Variants in TWSG1 observed in about 807,000 individuals in gnomAD.
The protein encoded by TWSG1 is twisted gastrulation BMP signaling modulator 1, also known as twisted gastrulation protein homolog 1.
TWSG1 carries 15 observed loss-of-function variants against 23.0 expected under a neutral mutation model. That is an observed-to-expected ratio of 0.65 (90% confidence interval 0.44 to 1.00). TWSG1 has a LOEUF of 1.00. Among genes scored for constraint, TWSG1 ranks in the 50% least tolerant of loss-of-function variants. TWSG1 has a pLI of 0.00. For missense variants in TWSG1, 242 were observed against 278.7 expected, an observed-to-expected ratio of 0.87 and a Z score of 0.94; for synonymous variants, 86 against 92.8, an observed-to-expected ratio of 0.93 and a Z score of 0.42.
At chr18:9,348,430 C>T (rs1238361655) in intron 2 of TWSG1, among the ~76,000 whole-genome samples, 1 of 152,134 alleles carries the variant, frequency 6.6e-6, no homozygotes, top group Non-Finnish European at 1.5e-5. Context: ...GGGTATCCCC[C>T]GGATTATATT....
At chr18:9,393,979 T>C (rs916735591) in intron 3 of TWSG1, among the ~76,000 whole-genome samples, 2 of 152,208 alleles carry the variant, frequency 1.3e-5, no homozygotes, top group African/African-American at 4.8e-5. Flanking sequence ...ATACAGCCAC[T>C]ATGGAAAACA....
At chr18:9,365,063 G>A (rs973534529) in intron 3 of TWSG1, among the ~76,000 whole-genome samples, 6 of 152,114 alleles carry the variant, frequency 3.9e-5, no homozygotes, top group East Asian at 3.9e-4. Context: ...GCTCATTCCT[G>A]TAATTCCAGC....
At chr18:9,396,606 C>T in intron 4 of TWSG1, 60 bp downstream of exon 4, 1 of 1,554,738 alleles carries the variant, frequency 6.4e-7, no homozygotes, top group African/African-American at 1.4e-5. Flanking sequence ...TCCATGTAAT[C>T]TATAAAACCT....
chr18:9,341,530 A>G (rs2040446262), intron 2 of TWSG1, among the ~76,000 whole-genome samples: 1 of 152,134 alleles, frequency 6.6e-6, no homozygotes, highest in Non-Finnish European at 1.5e-5. Context: ...ATATGCTTGT[A>G]CTACTATTTC....
intron 3 of TWSG1, among the ~76,000 whole-genome samples, chr18:9,376,300 A>G (rs1044875525): frequency 2.0e-5 from 3 of 152,190 alleles, no homozygotes; most frequent in African/African-American, 7.2e-5. Context: ...TAAAGTTTAT[A>G]TGGAAAGGCA....
At chr18:9,337,670 G>A (rs1398123506) in intron 2 of TWSG1, among the ~76,000 whole-genome samples, 2 of 152,146 alleles carry the variant, frequency 1.3e-5, no homozygotes, top group African/African-American at 2.4e-5. Context: ...GAGGTTCAAT[G>A]AATGTATTTA....
At chr18:9,335,250 C>G (rs1047768829) in intron 1 of TWSG1, among the ~76,000 whole-genome samples, 3 of 152,208 alleles carry the variant, frequency 2.0e-5, no homozygotes, top group African/African-American at 7.2e-5. Flanking sequence ...CTCTGCCTCG[C>G]GGGGCGTCCG....
intron 2 of TWSG1, among the ~76,000 whole-genome samples, chr18:9,352,565 CAG>C (rs2040506843): frequency 6.6e-6 from 1 of 152,162 alleles, no homozygotes; most frequent in Non-Finnish European, 1.5e-5. Context: ...AACCGAGACT[CAG>C]GGTTGCAAAC....
At chr18:9,364,653 G>T (rs1273068074) in intron 3 of TWSG1, among the ~76,000 whole-genome samples, 1 of 152,070 alleles carries the variant, frequency 6.6e-6, no homozygotes, top group African/African-American at 2.4e-5. Context: ...AATTAGCCAG[G>T]TGTGGTGGTA....
At chr18:9,367,997 A>G (rs997841502) in intron 3 of TWSG1, among the ~76,000 whole-genome samples, 2 of 152,202 alleles carry the variant, frequency 1.3e-5, no homozygotes, top group African/African-American at 4.8e-5. Flanking sequence ...TCTCTTTGAC[A>G]TACTGAGCTA....
intron 2 of TWSG1, among the ~76,000 whole-genome samples, chr18:9,356,875 A>G (rs1290120062): frequency 1.3e-5 from 2 of 152,044 alleles, no homozygotes; most frequent in Non-Finnish European, 2.9e-5. Context: ...TGTATAAGCA[A>G]CTAAGATAGT....
chr18:9,396,411 G>A lies in TWSG1; in HGVS notation c.355G>A (p.Val119Ile), dbSNP rs115059725. The change falls in exon 4 of 5, where the codon GTT (valine) becomes ATT (isoleucine). Residue 119 changes from valine to isoleucine, a missense_variant. Transcript: ENST00000262120. The stretch of plus-strand genomic sequence containing the variant: ...AGATACTCAGTTGAATTGGAACATC[G>A]TTTCTTTCCCTGTTGCAGAAGAACT... ...EGDTQLNWNIVSFPVAEELSH... is the reference protein window; with the variant it reads ...EGDTQLNWNIISFPVAEELSH... 43 of 1,614,138 alleles carry A rather than the reference G, an allele frequency of 2.7e-5. No homozygotes were observed. The African/African-American group carries it at 4.7e-4, about 18-fold the overall frequency.
intron 2 of TWSG1, among the ~76,000 whole-genome samples, chr18:9,349,829 A>G (rs1345975058): frequency 6.6e-6 from 1 of 151,804 alleles, no homozygotes. Flanking sequence ...TCTTCATCCC[A>G]TTTTCCTGCT....
At chr18:9,336,381 GACA>G (rs2040423506) in intron 1 of TWSG1, among the ~76,000 whole-genome samples, 1 of 148,312 alleles carries the variant, frequency 6.7e-6, no homozygotes, top group African/African-American at 2.5e-5. Context: ...GACAGAGCGA[GACA>G]ACGTCTAAAA....
chr18:9,356,625 AGT>A (rs1210499652), intron 2 of TWSG1, among the ~76,000 whole-genome samples: 1 of 152,182 alleles, frequency 6.6e-6, no homozygotes, highest in African/African-American at 2.4e-5. Flanking sequence ...TCCTTAGTTT[AGT>A]TAATAATATA....
At chr18:9,336,158 G>C (rs1390914095) in intron 1 of TWSG1, among the ~76,000 whole-genome samples, 1 of 152,152 alleles carries the variant, frequency 6.6e-6, no homozygotes, top group Non-Finnish European at 1.5e-5. Flanking sequence ...TTGGGAGGCC[G>C]AGGCGGGTGG....
intron 3 of TWSG1, among the ~76,000 whole-genome samples, chr18:9,388,949 G>T (rs1338242760): frequency 2.6e-5 from 4 of 151,728 alleles, no homozygotes; most frequent in East Asian, 1.9e-4. Flanking sequence ...TAATTTTTTT[G>T]TGTGTTTGTT....
At chr18:9,357,578 T>C (rs12456408) in intron 2 of TWSG1, among the ~76,000 whole-genome samples, 34,731 of 152,122 alleles carry the variant, frequency 0.23, 5,028 homozygotes, top group East Asian at 0.74. Flanking sequence ...AAATGAGAAA[T>C]AATAGTTACA....
Position 9,399,347 on chromosome 18 carries a change from A to G in TWSG1, c.492A>G (p.Glu164=). 1 of 1,560,926 alleles carries G rather than the reference A, an allele frequency of 6.4e-7. No individual in the cohort carries two copies. Among genetic ancestry groups the G allele is most frequent in the Non-Finnish European group, 8.6e-7 (1 of 1,157,394 alleles). The part of the protein sequence containing the change: ...NVHAPYSSDK[E]HMCTVVYFDD... ...AAATCTTAAATTTTTGTTTTTCAGA[A>G]CACATGTGTACTGTGGTTTATTTTG... The change falls in exon 5 of 5, where the codon GAA becomes GAG. Residue 164 remains glutamate (E), a splice_region_variant and synonymous_variant. Transcript: ENST00000262120.
Sources: gnomAD v4.1 joint callset for allele counts (sites outside exome capture counted in the v4.1 genomes callset) on GRCh38, gnomAD v4.1.1 for gene constraint, MANE v1.5 for transcripts, NCBI Gene and HGNC (gene_info 2026-07-23, HGNC 2026-07-21) for gene names.